The following POLR2B variants were observed in gnomAD, a reference collection of about 807,000 sequenced individuals.
The protein encoded by POLR2B is DNA-directed RNA polymerase II subunit RPB2.
POLR2B carries 57 observed loss-of-function variants against 144.6 expected under a neutral mutation model. The observed-to-expected ratio is 0.39, with a 90% CI of 0.32 to 0.49. The LOEUF is 0.49. Among genes scored for constraint, POLR2B ranks in the 20% least tolerant of loss-of-function variants. POLR2B has a pLI of 0.83. For synonymous variants in POLR2B, 442 were observed against 469.8 expected (o/e 0.94, Z 0.77); for missense variants, 595 against 1,467.4 (o/e 0.41, Z 9.71).
chr4:57,011,623 G>T (rs1253650308), intron 13 of POLR2B, among the ~76,000 whole-genome samples: 2 of 152,162 alleles, frequency 1.3e-5, no homozygotes, highest in Non-Finnish European at 2.9e-5. Flanking sequence ...AAGAGATTGA[G>T]ACCATCCTGG....
intron 2 of POLR2B, among the ~76,000 whole-genome samples, chr4:56,989,640 T>C (rs1722451903): frequency 6.6e-6 from 1 of 152,068 alleles, no homozygotes; most frequent in Non-Finnish European, 1.5e-5. Flanking sequence ...AGTTGGGGAG[T>C]AGAAGCTAAG....
chr4:56,982,657 A>T (rs1319624432), intron 1 of POLR2B, among the ~76,000 whole-genome samples: 2 of 152,144 alleles, frequency 1.3e-5, no homozygotes, highest in African/African-American at 4.8e-5. Flanking sequence ...TTCCATAAAC[A>T]TTACAAGTAA....
At chr4:57,000,294 G>A (rs911034019) in intron 7 of POLR2B, among the ~76,000 whole-genome samples, 1 of 152,176 alleles carries the variant, frequency 6.6e-6, no homozygotes, top group African/African-American at 2.4e-5. Context: ...ACCAGGCATG[G>A]TGGCATGTTC....
intron 13 of POLR2B, among the ~76,000 whole-genome samples, chr4:57,012,293 T>C (rs1304402183): frequency 6.6e-6 from 1 of 152,072 alleles, no homozygotes; most frequent in African/African-American, 2.4e-5. Context: ...TAGTCCCAGC[T>C]ACTCGGGAAG....
At chr4:57,008,627 C>G (rs1354987294) in intron 10 of POLR2B, among the ~76,000 whole-genome samples, 1 of 152,206 alleles carries the variant, frequency 6.6e-6, no homozygotes, top group Non-Finnish European at 1.5e-5. Context: ...ATAATTACAG[C>G]ATGGCATGGT....
intron 16 of POLR2B, among the ~76,000 whole-genome samples, chr4:57,018,421 A>G (rs986809910): frequency 6.6e-5 from 10 of 152,150 alleles, no homozygotes; most frequent in African/African-American, 2.4e-4. Context: ...ATAGGACTTG[A>G]TGACTGGTTG....
intron 13 of POLR2B, among the ~76,000 whole-genome samples, chr4:57,014,308 C>T (rs2687238): frequency 0.24 from 36,110 of 151,098 alleles, 4,490 homozygotes; most frequent in Middle Eastern, 0.28. Flanking sequence ...GATTCTTTAC[C>T]TCAGCCTCCT....
intron 2 of POLR2B, among the ~76,000 whole-genome samples, chr4:56,990,231 T>G (rs188454180): frequency 1.6e-4 from 23 of 147,864 alleles, no homozygotes; most frequent in Admixed American, 9.5e-4. Flanking sequence ...GGGCATAAAG[T>G]TTTTTTTTTT....
intron 23 of POLR2B, among the ~76,000 whole-genome samples, chr4:57,029,374 A>C (rs2109728218): frequency 6.6e-6 from 1 of 152,322 alleles, no homozygotes; most frequent in South Asian, 2.1e-4. Flanking sequence ...GCAGGAATAA[A>C]TGCTTGATTC....
At chr4:56,979,523 AG>A (rs1405182941) in intron 1 of POLR2B, among the ~76,000 whole-genome samples, 1 of 152,180 alleles carries the variant, frequency 6.6e-6, no homozygotes, top group African/African-American at 2.4e-5. Flanking sequence ...ATTGTCTTAA[AG>A]GATGACTTTT....
At chr4:57,025,339 T>G in intron 22 of POLR2B, 38 bp from the exon 23 acceptor site, 1 of 1,536,818 alleles carries the variant, frequency 6.5e-7, no homozygotes, top group Non-Finnish European at 9.0e-7. Context: ...CGTTGTTTAA[T>G]TTTTAGGTCT....
In POLR2B at chr4:57,023,880, A is replaced by T; in HGVS notation, c.2857-125A>T. On this transcript the variant is annotated intron_variant, in intron 20 of 24. Transcript: ENST00000314595. The surrounding 1 kb of genome is among the most constrained non-coding windows in gnomAD (Gnocchi z 4.3). Reference sequence around the variant, plus strand: ...AACTTTTTGATTTTATTGTTGAATAAGTATATGAACATACCATGTTTAAAC... The same window carrying T: ...AACTTTTTGATTTTATTGTTGAATATGTATATGAACATACCATGTTTAAAC... The T allele has an allele frequency of 1.3e-6, 1 of 799,516 alleles. No individual in the cohort carries two copies. Among genetic ancestry groups the T allele is most frequent in the Non-Finnish European group, 2.0e-6 (1 of 491,390 alleles). The allele number at this position is 799,516 out of a possible 1,614,324, so 49.5% of individuals were successfully genotyped here.
intron 13 of POLR2B, 86 bp downstream of exon 13, chr4:57,011,186 C>A (rs1723176742): frequency 2.4e-6 from 2 of 841,372 alleles, no homozygotes; most frequent in Non-Finnish European, 2.0e-6. Flanking sequence ...GCATTGGCAT[C>A]TTTTCTTTGA....
chr4:57,020,578 A>G (rs1311189195), intron 16 of POLR2B, among the ~76,000 whole-genome samples: 1 of 152,154 alleles, frequency 6.6e-6, no homozygotes, highest in Non-Finnish European at 1.5e-5. Flanking sequence ...TGTTTATGGC[A>G]CAGAGTTGCT....
intron 23 of POLR2B, 92 bp downstream of exon 23, chr4:57,025,629 C>G: frequency 1.3e-6 from 1 of 763,228 alleles, no homozygotes; most frequent in South Asian, 1.8e-5. Flanking sequence ...ATAGTGAATG[C>G]CTGTGTGCCT....
At chr4:56,979,574 T>C (rs1625691) in intron 1 of POLR2B, among the ~76,000 whole-genome samples, 45,737 of 152,048 alleles carry the variant, frequency 0.3, 7,104 homozygotes, top group Admixed American at 0.4. Context: ...TCAGATGATA[T>C]GTATTCTGCT....
rs533751041 is a variant in POLR2B at position 57,024,873 on chromosome 4, T to C, written c.2965-13T>C. The C allele has an allele frequency of 1.4e-6, 2 of 1,416,300 alleles. No individual in the cohort carries two copies. Among genetic ancestry groups the C allele is most frequent in the East Asian group, 2.3e-5 (1 of 43,376 alleles). The allele number at this position is 1,416,300 out of a possible 1,614,324, so 87.7% of individuals were successfully genotyped here. ...TGAAGCAACATTTTAAAGAGTACTT[T>C]TTTTTTTAAAAGGTATCGGCTAACA... is the stretch of plus-strand genomic sequence containing the variant. On this transcript the variant is annotated splice_polypyrimidine_tract_variant and intron_variant, in intron 21 of 24. Coordinates refer to ENST00000314595, the MANE Select transcript of POLR2B (RefSeq NM_000938.3).
intron 6 of POLR2B, among the ~76,000 whole-genome samples, chr4:56,997,472 G>A (rs1424830920): frequency 1.3e-5 from 2 of 152,164 alleles, no homozygotes; most frequent in Non-Finnish European, 2.9e-5. Flanking sequence ...GCCTAGGCTG[G>A]TCTCGAACTC....
chr4:57,002,760 A>G (rs920427840), intron 7 of POLR2B: 3 of 152,114 alleles, frequency 2.0e-5, no homozygotes, highest in Non-Finnish European at 4.4e-5. Context: ...CTGTGTAAGG[A>G]TGAGACACAA....
Sources: gnomAD v4.1 joint callset for allele counts (sites outside exome capture counted in the v4.1 genomes callset) on GRCh38, gnomAD v4.1.1 for gene constraint, Gnocchi (gnomAD v3.1) non-coding constraint, MANE v1.5 for transcripts, NCBI Gene and HGNC (gene_info 2026-07-23, HGNC 2026-07-21) for gene names.